CEP97: variants seen among roughly 807,000 people sequenced by gnomAD.
The protein encoded by CEP97 is centrosomal protein of 97 kDa.
CEP97 carries 43 observed loss-of-function variants against 73.1 expected under a neutral mutation model. The observed-to-expected ratio is 0.59, with a 90% CI of 0.46 to 0.76. The LOEUF is 0.76. CEP97 is among the 30% of genes least tolerant of loss of function. The pLI is 0.00. For synonymous variants in CEP97, 337 were observed against 370.0 expected, an observed-to-expected ratio of 0.91 and a Z score of 1.02; for missense variants, 939 against 1,014.0, an observed-to-expected ratio of 0.93 and a Z score of 1.00.
intron 10 of CEP97, among the ~76,000 whole-genome samples, chr3:101,764,419 C>T (rs1054808982): frequency 2.0e-5 from 3 of 152,108 alleles, no homozygotes; most frequent in Non-Finnish European, 4.4e-5. Flanking sequence ...TGAGACCAGC[C>T]TGACCAACAT....
intron 4 of CEP97, 83 bp from the exon 5 acceptor site, chr3:101,731,757 T>C (rs765142163): frequency 5.4e-6 from 4 of 735,674 alleles, no homozygotes; most frequent in Non-Finnish European, 9.7e-6. Flanking sequence ...TTTATTCTTA[T>C]ATGTACCATT....
chr3:101,756,489 T>A (rs1227758048), intron 7 of CEP97, among the ~76,000 whole-genome samples: 3 of 151,806 alleles, frequency 2.0e-5, no homozygotes, highest in Non-Finnish European at 4.4e-5. Flanking sequence ...TCAGACCCCC[T>A]TCAGTCCGTG....
intron 6 of CEP97, among the ~76,000 whole-genome samples, chr3:101,753,629 T>C (rs2722165): frequency 0.9 from 137,263 of 152,230 alleles, 61,963 homozygotes; most frequent in East Asian, 0.99. Context: ...CCCCCAGCCT[T>C]GCTGCTGCCT....
intron 10 of CEP97, among the ~76,000 whole-genome samples, chr3:101,764,121 C>T (rs941490743): frequency 6.6e-6 from 1 of 152,144 alleles, no homozygotes; most frequent in Non-Finnish European, 1.5e-5. Context: ...AGCTCCAGTT[C>T]TGCCATTTGC....
At chr3:101,742,052 A>C (rs1368199930) in intron 6 of CEP97, among the ~76,000 whole-genome samples, 2 of 141,102 alleles carry the variant, frequency 1.4e-5, no homozygotes, top group East Asian at 2.1e-4. Context: ...AAAAAAAAAA[A>C]AACAAAAAAA....
At chr3:101,725,830 G>T (rs1937863147) in intron 1 of CEP97, among the ~76,000 whole-genome samples, 2 of 151,080 alleles carry the variant, frequency 1.3e-5, no homozygotes, top group South Asian at 4.2e-4. Flanking sequence ...AACATTTACA[G>T]AGCACTTTGT....
intron 3 of CEP97, 86 bp downstream of exon 3, chr3:101,727,627 A>G: frequency 2.6e-6 from 3 of 1,170,278 alleles, no homozygotes; most frequent in Non-Finnish European, 3.6e-6. Context: ...AAAAAGTGAA[A>G]GTACCCACTC....
chr3:101,765,458 A>G lies in CEP97; in HGVS notation c.2505A>G (p.Thr835=). The stretch of plus-strand genomic sequence containing the variant: ...CTTTGCAAGGTGAAATTAGCCAGAC[A>G]CAAGAGAATTCTAAATTAAATGCAG... ...SPPLQGEISQ[T]QENSKLNAEV... is the part of the protein sequence containing the mutation. Residue 835 remains threonine (T), a synonymous_variant, in exon 11 of 11, where the codon ACA becomes ACG. Transcript: ENST00000341893. 6.2e-7 allele frequency: 1 copy of G among 1,614,208 alleles called. No homozygotes were observed.
chr3:101,741,951 A>T (rs759296860), intron 6 of CEP97, among the ~76,000 whole-genome samples: 2 of 151,708 alleles, frequency 1.3e-5, no homozygotes, highest in South Asian at 2.1e-4. Context: ...CTGAGGCAGG[A>T]GAGTCGCTTG....
intron 6 of CEP97, among the ~76,000 whole-genome samples, chr3:101,733,328 A>C (rs976697965): frequency 3.3e-5 from 5 of 152,018 alleles, no homozygotes; most frequent in Admixed American, 3.3e-4. Flanking sequence ...AATCTATCAC[A>C]TATATAAGGG....
chr3:101,764,386 C>T (rs950285217), intron 10 of CEP97, among the ~76,000 whole-genome samples: 13 of 152,002 alleles, frequency 8.6e-5, no homozygotes, highest in Admixed American at 8.5e-4. Flanking sequence ...CCAAGGTGGG[C>T]GGATCACCTG....
At chr3:101,743,494 GA>G (rs1185531186) in intron 6 of CEP97, among the ~76,000 whole-genome samples, 1 of 152,158 alleles carries the variant, frequency 6.6e-6, no homozygotes, top group East Asian at 1.9e-4. Context: ...CTCCTACGCT[GA>G]AGGGACCGTC....
intron 9 of CEP97, 140 bp downstream of exon 9, chr3:101,758,563 A>G (rs1939086412): frequency 2.9e-6 from 3 of 1,027,354 alleles, no homozygotes; most frequent in Non-Finnish European, 4.2e-6. Flanking sequence ...TGTCTCCTAC[A>G]GTGTACCGAA....
At position 101,758,137 on chromosome 3, in the gene CEP97, A is replaced by T; in HGVS notation, c.1531A>T (p.Lys511Ter). 1 of 1,614,238 alleles carries T rather than the reference A, an allele frequency of 6.2e-7. No individual in the cohort carries two copies. The highest frequency in any genetic ancestry group is 8.5e-7 in the Non-Finnish European group (1 of 1,180,052). Residue 511 changes from lysine to a stop codon, truncating the protein, a stop_gained, in exon 9 of 11, where the codon AAA becomes TAA. Transcript: ENST00000341893. LOFTEE classifies it high-confidence loss of function. ...ATTTTTTCCTGAGTCAACTGAGCAG[A>T]AACAATCAGACATAAAGAAACCAGA... The part of the protein sequence containing the change: ...LTFFPESTEQ[K>*]QSDIKKPENT...
intron 6 of CEP97, among the ~76,000 whole-genome samples, chr3:101,752,921 G>A (rs960347097): frequency 6.6e-6 from 1 of 152,124 alleles, no homozygotes; most frequent in African/African-American, 2.4e-5. Flanking sequence ...GTCCAGCTTT[G>A]TTCCGTTGCT....
rs1211507625 is a variant in CEP97 at position 101,769,241 on chromosome 3, G to A, written c.*3690G>A. 2.0e-5 allele frequency: 3 copies of A among 151,480 alleles called. No individual in the cohort carries two copies. Among genetic ancestry groups the A allele is most frequent in the African/African-American group, 4.9e-5 (2 of 41,204 alleles). The allele number at this position is 151,480 out of a possible 1,614,324, so 9.4% of individuals were successfully genotyped here. On this transcript the variant is annotated 3_prime_UTR_variant, in exon 11 of 11. Coordinates refer to ENST00000341893, the MANE Select transcript of CEP97 (RefSeq NM_024548.4). The stretch of plus-strand genomic sequence containing the variant: ...TAAAAATATAAAACGTTTTTCCTCG[G>A]GAGTTAAGATGGTAAAAAGAAAAAA...
rs1217734045 is a variant in CEP97 at position 101,757,090 on chromosome 3, A to C, written c.921A>C (p.Gln307His). 1 of 1,612,386 alleles carries C rather than the reference A, an allele frequency of 6.2e-7. No homozygotes were observed. Among genetic ancestry groups the C allele is most frequent in the African/African-American group, 1.3e-5 (1 of 74,862 alleles). Residue 307 changes from glutamine (Q) to histidine (H), a missense_variant, in exon 8 of 11, where the codon CAA becomes CAC. Physicochemically the swap from Gln to His is conservative, Grantham distance 24. Coordinates refer to ENST00000341893, the MANE Select transcript of CEP97 (RefSeq NM_024548.4). ...QRFHQRQLMN[Q>H]SQNEELSPLV... Reference sequence around the variant, plus strand: ...TTCACCAGAGGCAGTTGATGAACCAAAGCCAAAATGAAGAGTTGTCTCCTC... The same window carrying C: ...TTCACCAGAGGCAGTTGATGAACCACAGCCAAAATGAAGAGTTGTCTCCTC...
intron 3 of CEP97, among the ~76,000 whole-genome samples, chr3:101,728,381 T>G (rs1443442330): frequency 6.6e-6 from 1 of 151,424 alleles, no homozygotes; most frequent in Non-Finnish European, 1.5e-5. Flanking sequence ...TGCCTCAGCC[T>G]CAAGAGTAAC....
intron 10 of CEP97, among the ~76,000 whole-genome samples, chr3:101,764,062 T>C (rs1257267096): frequency 1.3e-5 from 2 of 152,168 alleles, no homozygotes; most frequent in East Asian, 3.9e-4. Context: ...GCCAGTCTGG[T>C]TTTAGGCTTG....
Sources: allele counts gnomAD v4.1 joint callset (sites outside exome capture counted in the v4.1 genomes callset), GRCh38; gene constraint gnomAD v4.1.1; transcripts MANE v1.5; gene names NCBI Gene and HGNC (gene_info 2026-07-23, HGNC 2026-07-21).